The following HSPH1 variants were observed in gnomAD, a reference collection of about 807,000 sequenced individuals.
HSPH1 encodes heat shock protein 105 kDa.
In HSPH1, 40 loss-of-function variants were observed where a neutral mutation model predicts 100.0. That is an observed-to-expected ratio of 0.40 (90% CI 0.31 to 0.52). HSPH1 has a LOEUF of 0.52. Among genes scored for constraint, HSPH1 ranks in the 20% least tolerant of loss-of-function variants. HSPH1 has a pLI of 0.54. For synonymous variants in HSPH1, 403 were observed against 344.0 expected (o/e 1.17, Z -1.90); for missense variants, 876 against 1,015.1 (o/e 0.86, Z 1.86).
chr13:31,143,656 T>G (rs532559921), intron 12 of HSPH1, 136 bp downstream of exon 12: 1 of 778,396 alleles, frequency 1.3e-6, no homozygotes, highest in African/African-American at 1.8e-5. Context: ...GAAAAATACA[T>G]AGAAAATCAA....
At chr13:31,149,900 A>T in intron 8 of HSPH1, 54 bp downstream of exon 8, 1 of 1,365,556 alleles carries the variant, frequency 7.3e-7, no homozygotes, top group East Asian at 2.3e-5. Flanking sequence ...GACGACATCC[A>T]GTGGAAACTG....
chr13:31,161,882 C>G lies in HSPH1; in HGVS notation c.-300G>C, dbSNP rs1177298673. ...CACTCTGCCGCGGCTCGCACACCGG[C>G]GCCGGCGCTGAACTACCGACCCAAA... On this transcript the variant is annotated 5_prime_UTR_variant, in exon 1 of 18. Transcript: ENST00000320027. 6.7e-7 allele frequency: 1 copy of G among 1,487,520 alleles called. No homozygotes were observed. Among genetic ancestry groups the G allele is most frequent in the Non-Finnish European group, 8.9e-7 (1 of 1,120,224 alleles). The allele number at this position is 1,487,520 out of a possible 1,614,324, so 92.1% of individuals were successfully genotyped here. A position where few individuals can be genotyped will look rare whatever the true frequency, so the allele number is the denominator to read the frequency against.
intron 11 of HSPH1, 55 bp downstream of exon 11, chr13:31,145,508 T>C (rs1956236298): frequency 4.4e-6 from 6 of 1,374,254 alleles, no homozygotes; most frequent in South Asian, 1.2e-5. Flanking sequence ...AATTCTCCTA[T>C]AGCTTAGAAC....
At position 31,148,559 on chromosome 13, in the gene HSPH1, T is replaced by C. The variant is rs565404462; in HGVS notation, c.1138-79A>G. The stretch of plus-strand genomic sequence containing the variant: ...TAATATAAAACTCAATTCCAATGGA[T>C]GGACAGGGTTTTCAAAAAAAAAAAA... On this transcript the variant is annotated intron_variant, in intron 8 of 17. Transcript: ENST00000320027. 6.5e-3 allele frequency: 1,367 copies of C among 210,442 alleles called. 14 individuals carry two copies. Among genetic ancestry groups the C allele is most frequent in the Non-Finnish European group, 8.6e-3 (1,023 of 118,598 alleles). The allele number at this position is 210,442 out of a possible 1,614,324, so 13.0% of individuals were successfully genotyped here.
rs764077935 is a variant in HSPH1, at chr13:31,138,484, C to T, written c.2293G>A (p.Val765Ile). The change falls in exon 17 of 18, where the codon GTC becomes ATC. Residue 765 changes from valine to isoleucine, a missense_variant. Transcript: ENST00000320027. ...VNEVMEWMNNVMNAQAKKSLD... is the reference protein window; with the variant it reads ...VNEVMEWMNNIMNAQAKKSLD... ...CTCTTTTTAGCCTGAGCATTCATGA[C>T]ATTATTCATCCATTCCATCACTTCA... 4 of 1,612,968 alleles carry T rather than the reference C, an allele frequency of 2.5e-6. No individual in the cohort carries two copies. Among genetic ancestry groups the T allele is most frequent in the Non-Finnish European group, 3.4e-6 (4 of 1,179,218 alleles).
chr13:31,161,450 A>G, intron 1 of HSPH1, 26 bp downstream of exon 1: 1 of 1,613,216 alleles, frequency 6.2e-7, no homozygotes, highest in Non-Finnish European at 8.5e-7. Context: ...ACCTCCTCCC[A>G]TCCACCCTCG....
At chr13:31,148,871 C>T (rs1316104499) in intron 8 of HSPH1, among the ~76,000 whole-genome samples, 1 of 151,960 alleles carries the variant, frequency 6.6e-6, no homozygotes, top group Non-Finnish European at 1.5e-5. Context: ...GTCTGAGAAA[C>T]CCCCCAAAGG....
At chr13:31,150,445 AT>A (rs1285777171) in intron 7 of HSPH1, among the ~76,000 whole-genome samples, 1 of 152,034 alleles carries the variant, frequency 6.6e-6, no homozygotes, top group African/African-American at 2.4e-5. Context: ...ACCTTCTAAA[AT>A]TTTTCCCCCT....
In HSPH1 at chr13:31,161,649, C is replaced by A; in HGVS notation, c.-67G>T. ...GTCCTCCGGCCCCCTGCCTGCTTCT[C>A]CTGCCGCCGCTTTCTGCCCTGGCCG... On this transcript the variant is annotated 5_prime_UTR_variant, in exon 1 of 18. Transcript: ENST00000320027. 2 of 1,593,052 alleles carry A rather than the reference C, an allele frequency of 1.3e-6. No homozygotes were observed. Among genetic ancestry groups the A allele is most frequent in the Non-Finnish European group, 8.5e-7 (1 of 1,175,278 alleles).
At chr13:31,155,460 T>C (rs1593209059) in intron 3 of HSPH1, 54 bp downstream of exon 3, 1 of 1,402,392 alleles carries the variant, frequency 7.1e-7, no homozygotes, top group East Asian at 2.3e-5. Context: ...AATAAGTTCG[T>C]ATTTTTAAGT....
At position 31,151,329 on chromosome 13, in the gene HSPH1, G is replaced by A. The variant is rs142903084; in HGVS notation, c.664-138C>T. The A allele has an allele frequency of 4.5e-5, 36 of 792,894 alleles. No individual in the cohort carries two copies. The East Asian group carries it at 8.6e-4, about 19-fold the overall frequency. The allele number at this position is 792,894 out of a possible 1,614,324, so 49.1% of individuals were successfully genotyped here. ...AAATTATAACATGAAATCCAAATCA[G>A]TCAGGAATAAATCTCTAAGATATTT... is the stretch of plus-strand genomic sequence containing the variant. On this transcript the variant is annotated intron_variant, in intron 6 of 17. Transcript: ENST00000320027.
Position 31,141,797 on chromosome 13 carries a change from T to TACACACACACAC in HSPH1, c.1717-539_1717-538insGTGTGTGTGTGT, listed in dbSNP as rs10573885. 8.9e-5 allele frequency among the ~76,000 whole-genome samples: 11 copies of TACACACACACAC among 124,248 alleles called. No individual in the cohort carries two copies. The East Asian group carries it at 1.3e-3, about 15-fold the overall frequency. 81.5% of individuals were successfully genotyped at this position (124,248 alleles called of 152,430 possible). On this transcript the variant is annotated intron_variant, in intron 12 of 17. Transcript: ENST00000320027. ...TACATATATATATACTCCATACACA[T>TACACACACACAC]ACATACACACACACACACACACACA...
chr13:31,140,646 A>G (rs1044997434), intron 13 of HSPH1: 2 of 187,916 alleles, frequency 1.1e-5, no homozygotes, highest in South Asian at 1.5e-4. Context: ...ATACTGGCCA[A>G]TGTATAACAG....
chr13:31,147,256 T>A (rs1457305072), intron 10 of HSPH1, among the ~76,000 whole-genome samples: 1 of 152,184 alleles, frequency 6.6e-6, no homozygotes, highest in African/African-American at 2.4e-5. Flanking sequence ...TGAAAACTGT[T>A]TTTAACAATA....
chr13:31,151,487 C>CAT (rs1344002373), intron 6 of HSPH1, 122 bp downstream of exon 6: 11 of 913,656 alleles, frequency 1.2e-5, no homozygotes, highest in Non-Finnish European at 1.8e-5. Context: ...TTCCTGTTAA[C>CAT]ATCTTTACCT....
At position 31,161,548 on chromosome 13, in the gene HSPH1, C is replaced by G. The variant is rs1773488055; in HGVS notation, c.35G>C (p.Ser12Thr). The change falls in exon 1 of 18, where the codon AGC becomes ACC. Residue 12 changes from serine to threonine, a missense_variant. Ser to Thr is a moderately conservative substitution (Grantham distance 58, BLOSUM62 1). Transcript: ENST00000320027. ...GGCCCGGGCTACCGCGATGTAGCAG[C>G]TCTGCGAGCCCACGTCCAACCCCAC... ...SVVGLDVGSQ[S>T]CYIAVARAGG... The G allele has an allele frequency of 6.2e-7, 1 of 1,613,932 alleles. No individual in the cohort carries two copies. The highest frequency in any genetic ancestry group is 8.5e-7 in the Non-Finnish European group (1 of 1,179,930).
At chr13:31,156,843 TGTTA>T (rs1956717110) in intron 2 of HSPH1, among the ~76,000 whole-genome samples, 1 of 152,240 alleles carries the variant, frequency 6.6e-6, no homozygotes, top group African/African-American at 2.4e-5. Flanking sequence ...GGCGCACGTT[TGTTA>T]AACTGTTGTA....
At chr13:31,155,707 C>A in intron 2 of HSPH1, 53 bp from the exon 3 acceptor site, 1 of 1,444,214 alleles carries the variant, frequency 6.9e-7, no homozygotes. Context: ...CACCACCTAC[C>A]AGTAATTTTA....
chr13:31,141,418 T>A (rs3761867), intron 12 of HSPH1, among the ~76,000 whole-genome samples, 159 bp from the exon 13 acceptor site: 44,160 of 151,900 alleles, frequency 0.29, 6,812 homozygotes, highest in East Asian at 0.46. Flanking sequence ...TCCCACTATT[T>A]TAAATCAGGG....
Sources: gnomAD v4.1 joint callset for allele counts (sites outside exome capture counted in the v4.1 genomes callset) on GRCh38, gnomAD v4.1.1 for gene constraint, MANE v1.5 for transcripts, NCBI Gene and HGNC (gene_info 2026-07-23, HGNC 2026-07-21) for gene names.